The following CNGA1 variants were observed in gnomAD, a reference collection of about 807,000 sequenced individuals.
CNGA1 encodes cyclic nucleotide gated channel subunit alpha 1.
In CNGA1, 53 loss-of-function variants were observed where a neutral mutation model predicts 69.7. That is an observed-to-expected ratio of 0.76 (90% CI 0.61 to 0.96). The LOEUF (loss-of-function observed/expected upper bound fraction) is 0.96. Ranked by LOEUF, CNGA1 falls within the 40% of genes least tolerant of loss-of-function variation. The pLI is 0.00. For synonymous variants in CNGA1, 249 were observed against 283.5 expected (o/e 0.88, Z 1.22); for missense variants, 739 against 811.2 (o/e 0.91, Z 1.08).
intron 2 of CNGA1, among the ~76,000 whole-genome samples, chr4:48,001,260 G>A (rs544175634): frequency 6.6e-6 from 1 of 152,296 alleles, no homozygotes; most frequent in South Asian, 2.1e-4. Flanking sequence ...GAGGTCAGGA[G>A]TTCGAGACCA....
intron 2 of CNGA1, among the ~76,000 whole-genome samples, chr4:47,986,182 C>A (rs575618515): frequency 6.6e-6 from 1 of 152,080 alleles, no homozygotes; most frequent in Non-Finnish European, 1.5e-5. Context: ...CAGAGGTGGG[C>A]GGATCACTTG....
At position 47,952,368 on chromosome 4, in the gene CNGA1, A is replaced by AAAATAAATAAAT. The variant is rs10665658; in HGVS notation, c.107+203_107+214dup. Among the ~76,000 whole-genome samples the AAAATAAATAAAT allele has an allele frequency of 1.9e-3, 281 of 144,572 alleles. 2 individuals are homozygous for AAAATAAATAAAT. Among genetic ancestry groups the AAAATAAATAAAT allele is most frequent in the African/African-American group, 4.5e-3 (177 of 39,486 alleles). The allele number at this position is 144,572 out of a possible 152,430, so 94.8% of individuals were successfully genotyped here. The stretch of plus-strand genomic sequence containing the variant: ...GTGCAACAGAGTGAGACTCCATCTC[A>AAAATAAATAAAT]AAATAAATAAATAAATAAATAAATA... On this transcript the variant is annotated intron_variant, in intron 4 of 10. Coordinates refer to ENST00000514170, the MANE Select transcript of CNGA1 (RefSeq NM_001379270.1).
chr4:47,938,933 A>G (rs1037792084), intron 10 of CNGA1, among the ~76,000 whole-genome samples: 3 of 151,372 alleles, frequency 2.0e-5, no homozygotes, highest in Non-Finnish European at 1.5e-5. Context: ...AAAGAAAGAG[A>G]GAGAGAGAGG....
chr4:47,956,633 T>A (rs1404867671), intron 3 of CNGA1, among the ~76,000 whole-genome samples: 1 of 152,172 alleles, frequency 6.6e-6, no homozygotes, highest in Non-Finnish European at 1.5e-5. Context: ...ATTCTTTTCC[T>A]GATTTTAGAT....
chr4:47,971,910 AAACAAAC>A (rs969988460), intron 3 of CNGA1, among the ~76,000 whole-genome samples: 17 of 83,984 alleles, frequency 2.0e-4, no homozygotes, highest in Admixed American at 7.0e-4. Flanking sequence ...ACAAACAAAC[AAACAAAC>A]AACAACAACA....
intron 3 of CNGA1, among the ~76,000 whole-genome samples, chr4:47,963,222 A>G (rs550915641): frequency 6.6e-6 from 1 of 152,368 alleles, no homozygotes; most frequent in Non-Finnish European, 1.5e-5. Flanking sequence ...AAGTGTTGGA[A>G]TTACAGGCGT....
At chr4:47,997,204 T>C (rs2110243141) in intron 2 of CNGA1, among the ~76,000 whole-genome samples, 1 of 152,346 alleles carries the variant, frequency 6.6e-6, no homozygotes, top group East Asian at 1.9e-4. Flanking sequence ...TCAATTTAGC[T>C]TTCTCAGACA....
chr4:48,006,144 T>C (rs1316865946), intron 2 of CNGA1, among the ~76,000 whole-genome samples: 3 of 152,158 alleles, frequency 2.0e-5, no homozygotes, highest in African/African-American at 7.2e-5. Context: ...TATTCATGAA[T>C]ATTTTATCTC....
intron 3 of CNGA1, among the ~76,000 whole-genome samples, chr4:47,954,055 T>A (rs1739909401): frequency 6.6e-6 from 1 of 151,932 alleles, no homozygotes; most frequent in Non-Finnish European, 1.5e-5. Context: ...CACAAGCGGC[T>A]GAATGTCGAG....
chr4:47,985,582 C>A (rs1458369399), intron 2 of CNGA1, among the ~76,000 whole-genome samples: 1 of 152,172 alleles, frequency 6.6e-6, no homozygotes, highest in African/African-American at 2.4e-5. Context: ...AAATCTTGGT[C>A]AATATCATGA....
At chr4:47,969,268 A>T (rs1381231030) in intron 3 of CNGA1, among the ~76,000 whole-genome samples, 1 of 151,936 alleles carries the variant, frequency 6.6e-6, no homozygotes, top group Non-Finnish European at 1.5e-5. Context: ...AAGAAACTTT[A>T]GCCACACTGG....
intron 3 of CNGA1, among the ~76,000 whole-genome samples, chr4:47,968,077 C>A (rs1740820852): frequency 6.6e-6 from 1 of 152,098 alleles, no homozygotes; most frequent in Admixed American, 6.6e-5. Flanking sequence ...GGATAAGGAA[C>A]AAATCCAAAG....
chr4:47,956,915 CT>C (rs1483354862), intron 3 of CNGA1, among the ~76,000 whole-genome samples: 1 of 151,772 alleles, frequency 6.6e-6, no homozygotes, highest in Non-Finnish European at 1.5e-5. Flanking sequence ...CCAGAATTTA[CT>C]GCAAATTTTT....
intron 6 of CNGA1, among the ~76,000 whole-genome samples, chr4:47,948,132 C>G (rs1303711055): frequency 6.6e-6 from 1 of 151,660 alleles, no homozygotes; most frequent in African/African-American, 2.4e-5. Context: ...AGCATGATCA[C>G]TATATATGAA....
intron 6 of CNGA1, among the ~76,000 whole-genome samples, chr4:47,946,565 A>T (rs1311398913): frequency 6.6e-6 from 1 of 152,240 alleles, no homozygotes. Flanking sequence ...TATCTGCATC[A>T]ATGGCATTCT....
At chr4:48,015,346 T>TG (rs1715335300) in intron 1 of CNGA1, among the ~76,000 whole-genome samples, 1 of 152,208 alleles carries the variant, frequency 6.6e-6, no homozygotes, top group South Asian at 2.1e-4. Context: ...ATTATAAAAG[T>TG]GGGTGCCTTG....
rs79195707 is a variant in CNGA1 at position 47,961,810 on chromosome 4, C to T, written c.-14-9107G>A. 7.1e-3 allele frequency among the ~76,000 whole-genome samples: 1,088 copies of T among 152,242 alleles called. 7 individuals carry two copies. Among genetic ancestry groups the T allele is most frequent in the African/African-American group, 0.025 (1,026 of 41,532 alleles). On this transcript the variant is annotated intron_variant, in intron 3 of 10. Transcript: ENST00000514170. Reference sequence around the variant, plus strand: ...AGCACTGGAAATGTGGCTAGTGAGACTGAAGACTGGATTTTAAACTTTATT... The same window carrying T: ...AGCACTGGAAATGTGGCTAGTGAGATTGAAGACTGGATTTTAAACTTTATT...
intron 2 of CNGA1, among the ~76,000 whole-genome samples, chr4:47,989,755 T>A (rs1469158647): frequency 6.7e-6 from 1 of 149,470 alleles, no homozygotes; most frequent in African/African-American, 2.6e-5. Flanking sequence ...GCCCAAGCAG[T>A]ATACACTGAA....
intron 3 of CNGA1, among the ~76,000 whole-genome samples, chr4:47,980,914 A>G (rs527532259): frequency 6.6e-6 from 1 of 152,284 alleles, no homozygotes; most frequent in African/African-American, 2.4e-5. Context: ...CCACTTATTC[A>G]TCTCTGAAAG....
Sources: gnomAD v4.1 joint callset for allele counts (sites outside exome capture counted in the v4.1 genomes callset) on GRCh38, gnomAD v4.1.1 for gene constraint, MANE v1.5 for transcripts, NCBI Gene and HGNC (gene_info 2026-07-23, HGNC 2026-07-21) for gene names.